The following ARHGAP40 variants were observed in gnomAD, a reference collection of about 807,000 sequenced individuals.
ARHGAP40 encodes rho GTPase-activating protein 40.
Under a neutral mutation model 73.5 loss-of-function variants are expected in ARHGAP40, and 43 were observed. The ratio of observed to expected loss-of-function variants is 0.58; its 90% CI spans 0.46 to 0.75. The LOEUF is 0.75. Among genes scored for constraint, ARHGAP40 ranks in the 30% least tolerant of loss-of-function variants. The pLI is 0.00. For missense variants in ARHGAP40, 734 were observed against 861.8 expected (o/e 0.85, Z 1.86); for synonymous variants, 300 against 352.8 (o/e 0.85, Z 1.68).
At chr20:38,602,407 T>TAG (rs10668680) in intron 1 of ARHGAP40, among the ~76,000 whole-genome samples, 143,070 of 152,040 alleles carry the variant, frequency 0.94, 67,445 homozygotes, top group Non-Finnish European at 0.97. Context: ...CCTCTGGGTG[T>TAG]AGAGTCTTAG....
At chr20:38,625,968 A>G (rs1459171991) in intron 2 of ARHGAP40, among the ~76,000 whole-genome samples, 1 of 152,210 alleles carries the variant, frequency 6.6e-6, no homozygotes, top group African/African-American at 2.4e-5. Flanking sequence ...GAATGCCTAC[A>G]TTTCAAGAAA....
rs138936919 is a variant in ARHGAP40 at position 38,648,499 on chromosome 20, G to T, written c.1881-144G>T. On this transcript the variant is annotated intron_variant, in intron 13 of 14. Coordinates refer to ENST00000373345, the Ensembl canonical transcript of ARHGAP40. ...CACTGGCTCCAGCTCTCTCAGGAGG[G>T]TCCTTATGCTGCTTCTCCCCAGCAG... 440 of 550,650 alleles carry T rather than the reference G, an allele frequency of 8.0e-4. 3 individuals carry two copies. The African/African-American group carries it at 8.2e-3, about 10-fold the overall frequency. 34.1% of individuals were successfully genotyped at this position (550,650 alleles called of 1,614,324 possible).
chr20:38,649,720 C>G, intron 14 of ARHGAP40, 37 bp from the exon 15 acceptor site: 17 of 1,227,788 alleles, frequency 1.4e-5, no homozygotes, highest in Non-Finnish European at 1.6e-5. Flanking sequence ...TCTCCTACAG[C>G]CTCCCACTCA....
In ARHGAP40 at chr20:38,628,502, C is replaced by G. The variant is rs141851317; in HGVS notation, c.559-425C>G. ...TGTATTTTTAGTAGAGACGGGGTTT[C>G]ACTGTGTTAGCCAGGATGGTCTCTA... On this transcript the variant is annotated intron_variant, in intron 3 of 14. Coordinates refer to ENST00000373345, the Ensembl canonical transcript of ARHGAP40. Among the ~76,000 whole-genome samples the G allele has an allele frequency of 3.9e-3, 591 of 152,192 alleles. 5 individuals are homozygous for G. Among genetic ancestry groups the G allele is most frequent in the African/African-American group, 0.014 (566 of 41,514 alleles).
At position 38,615,360 on chromosome 20, in the gene ARHGAP40, C is replaced by A. The variant is rs557477121; in HGVS notation, c.138-7999C>A. On this transcript the variant is annotated intron_variant, in intron 1 of 14. Coordinates refer to ENST00000373345, the Ensembl canonical transcript of ARHGAP40. The stretch of plus-strand genomic sequence containing the variant: ...CACGGGGGTACTTCCACTGGTAAAC[C>A]AGGGTTAAAAGGCCCCAGGTACCCA... 460 of 759,152 alleles carry A rather than the reference C, an allele frequency of 6.1e-4. 2 individuals carry two copies. The African/African-American group carries it at 6.7e-3, about 11-fold the overall frequency. The allele number at this position is 759,152 out of a possible 1,614,324, so 47.0% of individuals were successfully genotyped here. A position where few individuals can be genotyped will look rare whatever the true frequency, so the allele number is the denominator to read the frequency against.
intron 9 of ARHGAP40, 51 bp from the exon 10 acceptor site, chr20:38,641,675 G>A: frequency 1.6e-6 from 2 of 1,220,128 alleles, no homozygotes; most frequent in Non-Finnish European, 2.2e-6. Context: ...CAGACTGAGG[G>A]AGGGAGTCCC....
Position 38,627,035 on chromosome 20 carries a change from G to T in ARHGAP40, c.378G>T (p.Leu126=), listed in dbSNP as rs1443647293. ...CCCAGTGGCTGCAGGACACAGGCCT[G>T]TCGGGCCTCCTTGGTGGCCTGGGCT... The change falls in exon 3 of 15, where the codon CTG becomes CTT. Residue 126 remains leucine, a synonymous_variant. Transcript: ENST00000373345. 3 of 1,304,946 alleles carry T rather than the reference G, an allele frequency of 2.3e-6. No homozygotes were observed. In the African/African-American group the frequency reaches 4.6e-5, roughly 20 times the overall value. 80.8% of individuals were successfully genotyped at this position (1,304,946 alleles called of 1,614,324 possible). A position where few individuals can be genotyped will look rare whatever the true frequency, so the allele number is the denominator to read the frequency against.
chr20:38,615,860 T>C (rs773521177), intron 1 of ARHGAP40, among the ~76,000 whole-genome samples: 11 of 152,104 alleles, frequency 7.2e-5, no homozygotes, highest in South Asian at 2.1e-4. Context: ...TAAGCGACGA[T>C]TGTGTACTCC....
chr20:38,622,992 A>G (rs76725636), intron 1 of ARHGAP40, among the ~76,000 whole-genome samples: 3,528 of 152,262 alleles, frequency 0.023, 130 homozygotes, highest in African/African-American at 0.08. Context: ...TTTCTGGGTA[A>G]AAATTCAGTG....
chr20:38,604,426 C>T (rs1485717760), intron 1 of ARHGAP40, among the ~76,000 whole-genome samples: 2 of 144,892 alleles, frequency 1.4e-5, no homozygotes, highest in African/African-American at 2.6e-5. Context: ...GATGGAGTCT[C>T]ACTCCGTTGC....
At chr20:38,619,079 G>A (rs1435724204) in intron 1 of ARHGAP40, among the ~76,000 whole-genome samples, 3 of 152,216 alleles carry the variant, frequency 2.0e-5, no homozygotes, top group Admixed American at 6.5e-5. Flanking sequence ...TGGCAGAGAC[G>A]TAATCCAGGT....
chr20:38,645,921 A>C, intron 11 of ARHGAP40, 126 bp from the exon 12 acceptor site: 2 of 907,988 alleles, frequency 2.2e-6, no homozygotes, highest in Non-Finnish European at 2.9e-6. Flanking sequence ...GTGTCCAACA[A>C]ATGCATATTT....
intron 4 of ARHGAP40, 65 bp from the exon 5 acceptor site, chr20:38,629,437 A>G: frequency 7.7e-7 from 1 of 1,296,592 alleles, no homozygotes; most frequent in South Asian, 1.3e-5. Flanking sequence ...TCCCGAACCC[A>G]AGCACTTGCT....
Position 38,643,930 on chromosome 20 carries a change from G to C in ARHGAP40, c.1569+20G>C, listed in dbSNP as rs1355773556. Reference sequence around the variant, plus strand: ...TGGACGGTGAGTGCTGCTGGGCGCTGGGTATCCCTCTGGGTGCAGCTGCCG... The same window carrying C: ...TGGACGGTGAGTGCTGCTGGGCGCTCGGTATCCCTCTGGGTGCAGCTGCCG... On this transcript the variant is annotated intron_variant, in intron 11 of 14. Coordinates refer to ENST00000373345, the Ensembl canonical transcript of ARHGAP40. 7.8e-7 allele frequency: 1 copy of C among 1,281,026 alleles called. No homozygotes were observed. 79.4% of individuals were successfully genotyped at this position (1,281,026 alleles called of 1,614,324 possible).
chr20:38,639,156 C>T, intron 8 of ARHGAP40, 71 bp from the exon 9 acceptor site: 1 of 1,280,388 alleles, frequency 7.8e-7, no homozygotes, highest in South Asian at 1.3e-5. Flanking sequence ...AACCAAGCCC[C>T]AGAGAAGTGG....
intron 1 of ARHGAP40, 139 bp from the exon 2 acceptor site, chr20:38,623,220 C>T (rs1366716227): frequency 5.4e-6 from 3 of 553,392 alleles, no homozygotes; most frequent in Non-Finnish European, 8.3e-6. Context: ...TTGCTGAGAT[C>T]ACCCTGAGAA....
intron 9 of ARHGAP40, among the ~76,000 whole-genome samples, chr20:38,640,196 C>CT (rs35469684): frequency 0.47 from 56,042 of 118,874 alleles, 13,507 homozygotes; most frequent in South Asian, 0.56. Flanking sequence ...TTCTTTTCTT[C>CT]TTTCTTCTTT....
chr20:38,620,211 A>G (rs1161564352), intron 1 of ARHGAP40, among the ~76,000 whole-genome samples: 1 of 152,224 alleles, frequency 6.6e-6, no homozygotes, highest in Non-Finnish European at 1.5e-5. Flanking sequence ...ATACCTCAAC[A>G]AAGCGCTGGA....
exon 3 of ARHGAP40, chr20:38,627,103 C>T: frequency 3.1e-6 from 4 of 1,305,430 alleles, no homozygotes; most frequent in Non-Finnish European, 4.0e-6. Flanking sequence ...CTGACACAGA[C>T]CCAGGTGGCC....
Sources: allele counts gnomAD v4.1 joint callset (sites outside exome capture counted in the v4.1 genomes callset), GRCh38; gene constraint gnomAD v4.1.1; transcripts MANE v1.5; gene names NCBI Gene and HGNC (gene_info 2026-07-23, HGNC 2026-07-21).